The following WWP1 variants were observed in gnomAD, a reference collection of about 807,000 sequenced individuals.
WWP1 encodes the protein WW domain containing E3 ubiquitin protein ligase 1, also known as NEDD4-like E3 ubiquitin-protein ligase WWP1.
A neutral mutation model predicts 130.6 loss-of-function variants in WWP1; 49 were observed. That is an observed-to-expected ratio of 0.38 (90% CI 0.30 to 0.48). The LOEUF (loss-of-function observed/expected upper bound fraction) is 0.48, where lower values mean the gene tolerates loss of function less well. WWP1 is among the 20% of genes least tolerant of loss of function. The pLI is 0.99. For synonymous variants in WWP1, 332 were observed against 367.8 expected, an observed-to-expected ratio of 0.90 and a Z score of 1.11; for missense variants, 809 against 1,100.6, an observed-to-expected ratio of 0.74 and a Z score of 3.75.
At position 86,342,684 on chromosome 8, in the gene WWP1, G is replaced by T; in HGVS notation, c.-361G>T. 3.1e-6 allele frequency: 1 copy of T among 319,866 alleles called. No individual in the cohort carries two copies. Among genetic ancestry groups the T allele is most frequent in the Non-Finnish European group, 5.6e-6 (1 of 177,596 alleles). 19.8% of individuals were successfully genotyped at this position (319,866 alleles called of 1,614,324 possible). Reference sequence around the variant, plus strand: ...CGCTCCCGAGGAAGGGAGGTGTGGGGTCGGCTGGGGGTGGCGCGTGGACGG... The same window carrying T: ...CGCTCCCGAGGAAGGGAGGTGTGGGTTCGGCTGGGGGTGGCGCGTGGACGG... On this transcript the variant is annotated 5_prime_UTR_variant, in exon 1 of 25. Coordinates refer to ENST00000517970, the MANE Select transcript of WWP1 (RefSeq NM_007013.4).
Position 86,468,382 on chromosome 8 carries a change from T to C in WWP1, c.*1489T>C, listed in dbSNP as rs1157471392. 4.4e-6 allele frequency: 2 copies of C among 453,226 alleles called. No homozygotes were observed. The highest frequency in any genetic ancestry group is 8.8e-6 in the Non-Finnish European group (2 of 226,320). The allele number at this position is 453,226 out of a possible 1,614,324, so 28.1% of individuals were successfully genotyped here. On this transcript the variant is annotated 3_prime_UTR_variant, in exon 25 of 25. Transcript: ENST00000517970. ...AGATCTGCTTGGTTGAATAGACTCC[T>C]TTTCCAAATCCTTATTATGAACACT...
rs1810251467 is a variant in WWP1 at position 86,435,712 on chromosome 8, G to A, written c.1749+8G>A. ...GAAGATTCCTTCCAACAGGTAAGGA[G>A]GATTTTAGCAGAATAAAACACCATT... On this transcript the variant is annotated splice_region_variant and intron_variant, in intron 16 of 24. Coordinates refer to ENST00000517970, the MANE Select transcript of WWP1 (RefSeq NM_007013.4). The A allele has an allele frequency of 6.2e-7, 1 of 1,610,882 alleles. No homozygotes were observed. The highest frequency in any genetic ancestry group is 1.1e-5 in the South Asian group (1 of 90,830).
chr8:86,431,817 CAA>C, intron 14 of WWP1, 74 bp downstream of exon 14: 1 of 1,572,852 alleles, frequency 6.4e-7, no homozygotes, highest in Non-Finnish European at 8.6e-7. Context: ...AATTTATCCT[CAA>C]GTTTAGCAAA....
chr8:86,432,397 A>G (rs1301434520), intron 14 of WWP1, among the ~76,000 whole-genome samples: 2 of 152,078 alleles, frequency 1.3e-5, no homozygotes, highest in Non-Finnish European at 2.9e-5. Flanking sequence ...TTATTATCAA[A>G]GTCTCGTCCC....
At chr8:86,414,353 AG>A (rs1355587898) in intron 9 of WWP1, among the ~76,000 whole-genome samples, 1 of 152,174 alleles carries the variant, frequency 6.6e-6, no homozygotes, top group African/African-American at 2.4e-5. Context: ...GGTCAAAAAA[AG>A]TTTAAAAGCC....
intron 9 of WWP1, among the ~76,000 whole-genome samples, chr8:86,421,652 G>A (rs189625011): frequency 3.7e-4 from 56 of 151,966 alleles, no homozygotes; most frequent in African/African-American, 1.2e-3. Context: ...GTGAAACCCC[G>A]TCTCTACTAA....
intron 3 of WWP1, among the ~76,000 whole-genome samples, chr8:86,377,298 G>A (rs1045800402): frequency 4.7e-5 from 7 of 147,382 alleles, no homozygotes; most frequent in Non-Finnish European, 5.9e-5. Flanking sequence ...GGGTTTCACC[G>A]TGTTGGCCAG....
intron 1 of WWP1, chr8:86,343,216 C>G (rs1333234718): frequency 5.9e-6 from 1 of 170,468 alleles, no homozygotes; most frequent in Non-Finnish European, 1.2e-5. Flanking sequence ...ACTCTGCAGC[C>G]GCAGTTCTTA....
rs559093201 is a variant in WWP1, at chr8:86,381,514, G to A, written c.219G>A (p.Thr73=). Residue 73 remains threonine (T), a synonymous_variant, in exon 5 of 25, where the codon ACG becomes ACA. Transcript: ENST00000517970. ...KWDEQLTVNV[T]PQTTLEFQVW... ...AATTTTACCCTTCCAGAAATGTTAC[G>A]CCACAGACTACATTGGAATTTCAAG... 7.5e-6 allele frequency: 12 copies of A among 1,603,008 alleles called. No homozygotes were observed. Among genetic ancestry groups the A allele is most frequent in the African/African-American group, 4.0e-5 (3 of 74,376 alleles).
intron 1 of WWP1, among the ~76,000 whole-genome samples, chr8:86,364,482 A>G (rs1823843837): frequency 6.6e-6 from 1 of 152,186 alleles, no homozygotes; most frequent in African/African-American, 2.4e-5. Flanking sequence ...TTTTGAGGTA[A>G]TGTACTGTAA....
chr8:86,406,237 G>C (rs1212733271), intron 8 of WWP1, among the ~76,000 whole-genome samples: 2 of 152,138 alleles, frequency 1.3e-5, no homozygotes, highest in African/African-American at 4.8e-5. Context: ...CTACCTTATA[G>C]GACAGTTTTG....
intron 21 of WWP1, among the ~76,000 whole-genome samples, chr8:86,455,895 G>A (rs776318473): frequency 1.1e-4 from 16 of 151,904 alleles, no homozygotes; most frequent in Non-Finnish European, 1.8e-4. Flanking sequence ...ATAAGATAGC[G>A]TGGTATTTGT....
Position 86,425,999 on chromosome 8 carries a change from A to C in WWP1, c.1157+681A>C, listed in dbSNP as rs527905767. The stretch of plus-strand genomic sequence containing the variant: ...TTACATACTCAGATTTCCCTTCCAG[A>C]TTCAATTTAAAGCCCACCATTTTAA... On this transcript the variant is annotated intron_variant, in intron 10 of 24. Transcript: ENST00000517970. Among the ~76,000 whole-genome samples, 282 of 152,338 alleles carry C rather than the reference A, an allele frequency of 1.9e-3. 1 individual carries two copies. The highest frequency in any genetic ancestry group is 6.8e-3 in the Middle Eastern group (2 of 294).
intron 9 of WWP1, among the ~76,000 whole-genome samples, chr8:86,422,317 T>TTGTATGTA (rs201195308): frequency 1.0e-5 from 1 of 95,846 alleles, no homozygotes; most frequent in Admixed American, 9.8e-5. Context: ...AAGTACCAGT[T>TTGTATGTA]TGTATTTATT....
rs971393101 is a variant in WWP1, at chr8:86,427,548, G to A, written c.1158-95G>A. 23 of 1,311,530 alleles carry A rather than the reference G, an allele frequency of 1.8e-5. 1 individual carries two copies. The highest frequency in any genetic ancestry group is 4.5e-5 in the African/African-American group (3 of 66,870). The allele number at this position is 1,311,530 out of a possible 1,614,324, so 81.2% of individuals were successfully genotyped here. On this transcript the variant is annotated intron_variant, in intron 10 of 24. Transcript: ENST00000517970. ...TTATATGTTTTAGTTATTTTAACAT[G>A]TCTTGAACTTGATATTTAAATTGAG...
chr8:86,354,277 T>A (rs1411564117), intron 1 of WWP1, among the ~76,000 whole-genome samples: 1 of 152,212 alleles, frequency 6.6e-6, no homozygotes, highest in African/African-American at 2.4e-5. Context: ...CAGAATTTTC[T>A]TGAATTTTGG....
At chr8:86,374,348 G>A (rs1197206963) in intron 3 of WWP1, among the ~76,000 whole-genome samples, 1 of 152,152 alleles carries the variant, frequency 6.6e-6, no homozygotes, top group Non-Finnish European at 1.5e-5. Flanking sequence ...TGTAATGGTG[G>A]GAGAATTTGG....
rs79484006 is a variant in WWP1 at position 86,459,339 on chromosome 8, C to G, written c.2499+1314C>G. On this transcript the variant is annotated intron_variant, in intron 22 of 24. Transcript: ENST00000517970. The stretch of plus-strand genomic sequence containing the variant: ...GTATGAGCCACCATGCCCGGCTTTT[C>G]TTTCCTTTTTTAAAAATGCAAATTA... Among the ~76,000 whole-genome samples, 575 of 152,140 alleles carry G rather than the reference C, an allele frequency of 3.8e-3. 6 individuals carry two copies. The highest frequency in any genetic ancestry group is 6.8e-3 in the Non-Finnish European group (460 of 67,990).
chr8:86,419,192 C>T (rs193175689), intron 9 of WWP1, among the ~76,000 whole-genome samples: 9 of 152,240 alleles, frequency 5.9e-5, no homozygotes, highest in East Asian at 1.9e-4. Flanking sequence ...GGCCTGGGCA[C>T]GCAGATCACT....
Sources: allele counts gnomAD v4.1 joint callset (sites outside exome capture counted in the v4.1 genomes callset), GRCh38; gene constraint gnomAD v4.1.1; transcripts MANE v1.5; gene names NCBI Gene and HGNC (gene_info 2026-07-23, HGNC 2026-07-21).